The following PTPRT variants were observed in gnomAD, a reference collection of about 807,000 sequenced individuals.
The protein encoded by PTPRT is protein tyrosine phosphatase receptor type T.
A neutral mutation model predicts 176.8 loss-of-function variants in PTPRT; 56 were observed. The ratio of observed to expected loss-of-function variants is 0.32; its 90% CI spans 0.26 to 0.40. PTPRT has a LOEUF of 0.40. Ranked by LOEUF, PTPRT falls within the 10% of genes least tolerant of loss-of-function variation. PTPRT has a pLI of 1.00. For synonymous variants in PTPRT, 783 were observed against 739.0 expected (o/e 1.06, Z -0.96); for missense variants, 1,540 against 1,908.2 (o/e 0.81, Z 3.60).
chr20:42,557,141 C>A (rs907523881), intron 7 of PTPRT, among the ~76,000 whole-genome samples: 3 of 152,100 alleles, frequency 2.0e-5, no homozygotes, highest in Non-Finnish European at 4.4e-5. Flanking sequence ...TAAGCAATGA[C>A]CTCAAAGGCT....
At chr20:42,990,914 G>C (rs1983875264) in intron 1 of PTPRT, among the ~76,000 whole-genome samples, 1 of 152,130 alleles carries the variant, frequency 6.6e-6, no homozygotes, top group South Asian at 2.1e-4. Flanking sequence ...GAAGTGGACA[G>C]TATTGATCAG....
chr20:43,004,853 C>A (rs1274433143), intron 1 of PTPRT, among the ~76,000 whole-genome samples: 3 of 152,198 alleles, frequency 2.0e-5, no homozygotes, highest in South Asian at 4.2e-4. Flanking sequence ...AGATCCAAGG[C>A]TAAGATATGT....
chr20:42,429,482 T>C (rs6513791), intron 9 of PTPRT, among the ~76,000 whole-genome samples: 123,461 of 152,006 alleles, frequency 0.81, 50,296 homozygotes, highest in Admixed American at 0.85. Context: ...GTCAACACCC[T>C]TCCCTTGGTC....
At chr20:42,709,746 AAG>A (rs1454172457) in intron 6 of PTPRT, among the ~76,000 whole-genome samples, 3 of 152,178 alleles carry the variant, frequency 2.0e-5, no homozygotes, top group Non-Finnish European at 4.4e-5. Flanking sequence ...ATTTCAGAAA[AAG>A]AGAGGGAGAT....
At chr20:43,138,370 G>C (rs1364604673) in intron 1 of PTPRT, among the ~76,000 whole-genome samples, 1 of 152,220 alleles carries the variant, frequency 6.6e-6, no homozygotes, top group Non-Finnish European at 1.5e-5. Flanking sequence ...AGCCAGCACT[G>C]CAGGCAGGCA....
intron 18 of PTPRT, 92 bp from the exon 19 acceptor site, chr20:42,128,922 A>C: frequency 9.8e-7 from 1 of 1,016,270 alleles, no homozygotes. Context: ...TAATGACTGC[A>C]TATCAGGCAT....
intron 16 of PTPRT, among the ~76,000 whole-genome samples, chr20:42,186,361 C>T (rs1474864533): frequency 6.6e-6 from 1 of 151,708 alleles, no homozygotes; most frequent in Non-Finnish European, 1.5e-5. Context: ...TATGGGCCTC[C>T]CATCCCACGC....
At chr20:42,469,207 A>G (rs2071151579) in intron 8 of PTPRT, among the ~76,000 whole-genome samples, 1 of 151,824 alleles carries the variant, frequency 6.6e-6, no homozygotes. Context: ...TACTTTAATT[A>G]TTCCTTTTTT....
chr20:42,181,931 T>C (rs746112059), intron 16 of PTPRT, among the ~76,000 whole-genome samples: 5 of 151,724 alleles, frequency 3.3e-5, no homozygotes, highest in Non-Finnish European at 2.9e-5. Context: ...ACTGTTTAGA[T>C]AGACAATTTA....
intron 1 of PTPRT, among the ~76,000 whole-genome samples, chr20:42,931,716 T>G (rs1979862563): frequency 6.6e-6 from 1 of 152,156 alleles, no homozygotes. Flanking sequence ...GGGAGTTAGA[T>G]GAGAGGACAC....
At chr20:42,170,901 A>G (rs1048240389) in intron 16 of PTPRT, among the ~76,000 whole-genome samples, 4 of 152,236 alleles carry the variant, frequency 2.6e-5, no homozygotes, top group Non-Finnish European at 2.9e-5. Context: ...ACTTAAAAAT[A>G]GAGCCTATAT....
At chr20:42,633,583 G>T (rs2074460710) in intron 7 of PTPRT, among the ~76,000 whole-genome samples, 1 of 150,816 alleles carries the variant, frequency 6.6e-6, no homozygotes, top group South Asian at 2.1e-4. Context: ...ATCACTTGAG[G>T]CCAGGAGTTC....
intron 7 of PTPRT, among the ~76,000 whole-genome samples, chr20:42,523,430 A>G (rs948957069): frequency 6.6e-6 from 1 of 152,188 alleles, no homozygotes. Context: ...GATTGTCAAT[A>G]GTTTGACCCT....
intron 1 of PTPRT, among the ~76,000 whole-genome samples, chr20:42,922,417 A>C (rs1979207387): frequency 6.6e-6 from 1 of 152,104 alleles, no homozygotes; most frequent in Admixed American, 6.5e-5. Flanking sequence ...TCACATCCTT[A>C]TTCTACACCT....
At chr20:42,094,425 T>C (rs1415403382) in intron 27 of PTPRT, among the ~76,000 whole-genome samples, 3 of 152,152 alleles carry the variant, frequency 2.0e-5, no homozygotes, top group African/African-American at 7.2e-5. Context: ...TTATCCTTCA[T>C]TCCTCTTTCT....
intron 7 of PTPRT, among the ~76,000 whole-genome samples, chr20:42,643,512 T>TCATGATGCAGTGCTC (rs1390378889): frequency 3.3e-5 from 5 of 151,224 alleles, no homozygotes; most frequent in African/African-American, 1.2e-4. Context: ...AGACAAGGTT[T>TCATGATGCAGTGCTC]TGCTACGTTG....
chr20:42,844,961 G>A (rs1185598820), intron 2 of PTPRT, among the ~76,000 whole-genome samples: 4 of 152,170 alleles, frequency 2.6e-5, no homozygotes, highest in Admixed American at 6.5e-5. Context: ...AGAGTTTGCG[G>A]TCTCCAAGAA....
chr20:42,546,235 C>G (rs1004556627), intron 7 of PTPRT, among the ~76,000 whole-genome samples: 1 of 152,032 alleles, frequency 6.6e-6, no homozygotes, highest in Non-Finnish European at 1.5e-5. Context: ...TCCAGCGCAG[C>G]CACGTGGTGG....
At chr20:42,692,886 T>C (rs2146125609) in intron 6 of PTPRT, among the ~76,000 whole-genome samples, 1 of 152,308 alleles carries the variant, frequency 6.6e-6, no homozygotes, top group South Asian at 2.1e-4. Flanking sequence ...ATCATAATAA[T>C]GGTGACCTCT....
Sources: gnomAD v4.1 joint callset for allele counts (sites outside exome capture counted in the v4.1 genomes callset) on GRCh38, gnomAD v4.1.1 for gene constraint, MANE v1.5 for transcripts, NCBI Gene and HGNC (gene_info 2026-07-23, HGNC 2026-07-21) for gene names.